Variants in CHD7 observed in about 807,000 individuals in gnomAD.
CHD7 encodes chromodomain helicase DNA binding protein 7.
In CHD7, 24 loss-of-function variants were observed where a neutral mutation model predicts 307.3. That is an observed-to-expected ratio of 0.08 (90% CI 0.06 to 0.11). The LOEUF (loss-of-function observed/expected upper bound fraction) is 0.11. Ranked by LOEUF, CHD7 falls within the 10% of genes least tolerant of loss-of-function variation. CHD7 has a pLI of 1.00. For synonymous variants in CHD7, 1,363 were observed against 1,349.9 expected, an observed-to-expected ratio of 1.01 and a Z score of -0.21; for missense variants, 3,106 against 3,727.1, an observed-to-expected ratio of 0.83 and a Z score of 4.34.
intron 1 of CHD7, among the ~76,000 whole-genome samples, chr8:60,701,196 AAG>A (rs1307684459): frequency 6.6e-6 from 1 of 152,226 alleles, no homozygotes; most frequent in Non-Finnish European, 1.5e-5. Flanking sequence ...CACTGTTTCC[AAG>A]AGAGAGCTGT....
intron 1 of CHD7, among the ~76,000 whole-genome samples, chr8:60,732,677 C>G (rs2150564229): frequency 2.0e-5 from 3 of 152,140 alleles, no homozygotes; most frequent in Admixed American, 2.0e-4. Flanking sequence ...TATACACCAC[C>G]CTGGGCTTTA....
chr8:60,710,742 A>G lies in CHD7; in HGVS notation c.-174-30517A>G, dbSNP rs189151120. Among the ~76,000 whole-genome samples, 79 of 152,356 alleles carry G rather than the reference A, an allele frequency of 5.2e-4. 1 individual carries two copies. The East Asian group carries it at 0.014, about 28-fold the overall frequency. ...GAGCAGTGTGATTGTTTAAGAGGGCAACACCAAGACTTCACTTAGGAGCAG... is the reference window on the plus strand; with the variant it reads ...GAGCAGTGTGATTGTTTAAGAGGGCGACACCAAGACTTCACTTAGGAGCAG... On this transcript the variant is annotated intron_variant, in intron 1 of 37. Coordinates refer to ENST00000423902, the MANE Select transcript of CHD7 (RefSeq NM_017780.4).
chr8:60,822,893 A>G, intron 12 of CHD7, 147 bp downstream of exon 12: 2 of 592,820 alleles, frequency 3.4e-6, no homozygotes, highest in Non-Finnish European at 5.6e-6. Context: ...TTACATTTGT[A>G]TTATCTTTCT....
At position 60,852,021 on chromosome 8, in the gene CHD7, A is replaced by G; in HGVS notation, c.5668A>G (p.Lys1890Glu). ...AAAATGTTTTTCCACTTCCCCAGGC[A>G]AGCACAGTGAGAGTAATGCTGAGTT... ...EESMEIHATG[K>E]HSESNAELGQ... is the part of the protein sequence containing the mutation. Residue 1890 changes from lysine (K) to glutamate (E), a missense_variant and splice_region_variant, in exon 29 of 38, where the codon AAG (lysine) becomes GAG (glutamate). By Grantham distance (56) the Lys-to-Glu change is moderately conservative (BLOSUM62 1). This residue lies in a region of CHD7 where 1,030 missense variants were observed against 1,165.4 expected (regional missense o/e 0.88). Transcript: ENST00000423902. 10 of 1,608,842 alleles carry G rather than the reference A, an allele frequency of 6.2e-6. No individual in the cohort carries two copies. The highest frequency in any genetic ancestry group is 8.5e-6 in the Non-Finnish European group (10 of 1,176,424).
At chr8:60,771,969 A>G (rs1182368526) in intron 2 of CHD7, among the ~76,000 whole-genome samples, 1 of 152,196 alleles carries the variant, frequency 6.6e-6, no homozygotes, top group Non-Finnish European at 1.5e-5. Context: ...AATCTTGATT[A>G]CACGTGAAAT....
intron 18 of CHD7, 57 bp downstream of exon 18, chr8:60,837,892 TA>T (rs1804807913): frequency 6.7e-7 from 1 of 1,488,454 alleles, no homozygotes; most frequent in Non-Finnish European, 9.1e-7. Context: ...TTTATTTAAC[TA>T]ATAGTAAGAA....
chr8:60,682,417 A>G (rs1367756301), intron 1 of CHD7, among the ~76,000 whole-genome samples: 1 of 152,192 alleles, frequency 6.6e-6, no homozygotes, highest in Non-Finnish European at 1.5e-5. Flanking sequence ...AAAATAACAG[A>G]AATATTTTGT....
At chr8:60,706,050 C>A (rs1807008043) in intron 1 of CHD7, among the ~76,000 whole-genome samples, 1 of 152,150 alleles carries the variant, frequency 6.6e-6, no homozygotes, top group East Asian at 1.9e-4. Context: ...GCCTTTCACC[C>A]TGGGCATTCT....
At chr8:60,780,533 T>C (rs569415344) in intron 2 of CHD7, among the ~76,000 whole-genome samples, 3 of 152,374 alleles carry the variant, frequency 2.0e-5, no homozygotes, top group African/African-American at 7.2e-5. Context: ...TTTCAGACTT[T>C]CACAGTACTA....
intron 1 of CHD7, among the ~76,000 whole-genome samples, chr8:60,686,122 C>T (rs1695929075): frequency 6.6e-6 from 1 of 152,134 alleles, no homozygotes; most frequent in South Asian, 2.1e-4. Flanking sequence ...TGGGTTCCTT[C>T]CTGTCTTGTG....
rs551298370 is a variant in CHD7, at chr8:60,804,026, C to T, written c.2442+2433C>T. Among the ~76,000 whole-genome samples the T allele has an allele frequency of 3.9e-5, 6 of 152,232 alleles. No homozygotes were observed. The East Asian group carries it at 1.2e-3, about 29-fold the overall frequency. On this transcript the variant is annotated intron_variant, in intron 6 of 37. Transcript: ENST00000423902. ...CATGTTTTTCAAAGTCAGTTGACCT[C>T]ATCACTGTGGCCTGAGAAGCATCAT...
rs115002476 is a variant in CHD7 at position 60,856,956 on chromosome 8, G to A, written c.7608+68G>A. 4,192 of 1,371,440 alleles carry A rather than the reference G, an allele frequency of 3.1e-3. 104 individuals carry two copies. In the African/African-American group the frequency reaches 0.05, roughly 16 times the overall value. 85.0% of individuals were successfully genotyped at this position (1,371,440 alleles called of 1,614,324 possible). ...CAGCTGAGGGTCCTGTGATGCTCAC[G>A]ATGCTGGGCTGTGTTTCTCTCAGCA... On this transcript the variant is annotated intron_variant, in intron 34 of 37. Transcript: ENST00000423902.
chr8:60,865,647 T>C lies in CHD7; in HGVS notation c.8708T>C (p.Phe2903Ser). The C allele has an allele frequency of 6.2e-7, 1 of 1,610,258 alleles. No homozygotes were observed. The highest frequency in any genetic ancestry group is 8.5e-7 in the Non-Finnish European group (1 of 1,177,118). ...FLLSTMAPGL[F>S]YPSMFLPPGL... ...CTGTCCACAATGGCCCCGGGCCTCTTCTACCCATCCATGTTTCTACCTCCA... is the reference window on the plus strand; with the variant it reads ...CTGTCCACAATGGCCCCGGGCCTCTCCTACCCATCCATGTTTCTACCTCCA... The change falls in exon 38 of 38, where the codon TTC becomes TCC. Residue 2903 changes from phenylalanine (F) to serine (S), a missense_variant. Transcript: ENST00000423902. The surrounding 1 kb of genome is among the most constrained non-coding windows in gnomAD (Gnocchi z 4.3).
intron 1 of CHD7, among the ~76,000 whole-genome samples, chr8:60,709,520 C>T (rs1283475978): frequency 6.6e-6 from 1 of 152,060 alleles, no homozygotes; most frequent in East Asian, 1.9e-4. Context: ...TTGTTGCTTT[C>T]TTTTTTGCTT....
chr8:60,828,521 C>T (rs551697452), intron 13 of CHD7, 142 bp from the exon 14 acceptor site: 13 of 712,130 alleles, frequency 1.8e-5, no homozygotes, highest in Non-Finnish European at 2.9e-5. Context: ...TGTTCTAATA[C>T]CTCTGTTTTC....
chr8:60,794,867 C>A, intron 3 of CHD7, 119 bp from the exon 4 acceptor site: 3 of 889,912 alleles, frequency 3.4e-6, no homozygotes, highest in Non-Finnish European at 3.3e-6. Context: ...CTGTAAATAG[C>A]CAATATGTAT....
chr8:60,795,501 G>A (rs1450024394), intron 4 of CHD7, among the ~76,000 whole-genome samples: 1 of 151,820 alleles, frequency 6.6e-6, no homozygotes, highest in Non-Finnish European at 1.5e-5. Flanking sequence ...TCACTTTTTT[G>A]AATTTTGCAG....
At position 60,828,956 on chromosome 8, in the gene CHD7, C is replaced by G. The variant is rs72652506; in HGVS notation, c.3522+150C>G. 514 of 690,418 alleles carry G rather than the reference C, an allele frequency of 7.4e-4. 3 individuals are homozygous for G. Among genetic ancestry groups the G allele is most frequent in the African/African-American group, 6.2e-3 (344 of 55,462 alleles). The allele number at this position is 690,418 out of a possible 1,614,324, so 42.8% of individuals were successfully genotyped here. On this transcript the variant is annotated intron_variant, in intron 14 of 37. Coordinates refer to ENST00000423902, the MANE Select transcript of CHD7 (RefSeq NM_017780.4). Reference sequence around the variant, plus strand: ...TTAGATACCCTTTCCTTGGACTTTCCAGGTCATCATCATAAAGGTTTTCTT... The same window carrying G: ...TTAGATACCCTTTCCTTGGACTTTCGAGGTCATCATCATAAAGGTTTTCTT...
chr8:60,719,032 G>A (rs1807761498), intron 1 of CHD7, among the ~76,000 whole-genome samples: 1 of 152,214 alleles, frequency 6.6e-6, no homozygotes, highest in Non-Finnish European at 1.5e-5. Context: ...TACCATCTTG[G>A]TTTGTGTAAG....
Sources: allele counts gnomAD v4.1 joint callset (sites outside exome capture counted in the v4.1 genomes callset), GRCh38; gene constraint gnomAD v4.1.1; regional missense constraint gnomAD v4.1.1; non-coding constraint Gnocchi (gnomAD v3.1); transcripts MANE v1.5; gene names NCBI Gene and HGNC (gene_info 2026-07-23, HGNC 2026-07-21).